ADAM32: variants seen among roughly 807,000 people sequenced by gnomAD.
The protein encoded by ADAM32 is disintegrin and metalloproteinase domain-containing protein 32.
Under a neutral mutation model 114.9 loss-of-function variants are expected in ADAM32, and 89 were observed. The observed-to-expected ratio is 0.77, with a 90% CI of 0.65 to 0.92. ADAM32 has a LOEUF of 0.92. ADAM32 is among the 40% of genes least tolerant of loss of function. The probability of loss-of-function intolerance (pLI) is 0.00; values close to 1 mark genes in which losing one functional copy is unlikely to be tolerated. For synonymous variants in ADAM32, 285 were observed against 307.5 expected (o/e 0.93, Z 0.77); for missense variants, 870 against 932.8 (o/e 0.93, Z 0.88).
At chr8:39,188,371 A>ATCTG (rs57295844) in intron 11 of ADAM32, among the ~76,000 whole-genome samples, 35,966 of 151,378 alleles carry the variant, frequency 0.24, 4,762 homozygotes, top group Non-Finnish European at 0.29. Flanking sequence ...CTGTCTATCT[A>ATCTG]TCTGTCTGTC....
intron 11 of ADAM32, among the ~76,000 whole-genome samples, chr8:39,192,281 T>C (rs1806661167): frequency 6.6e-6 from 1 of 152,200 alleles, no homozygotes; most frequent in African/African-American, 2.4e-5. Context: ...CCCTTCTTTG[T>C]CTTTTTTTAT....
chr8:39,265,396 G>C (rs184283212), intron 19 of ADAM32, among the ~76,000 whole-genome samples: 1 of 152,240 alleles, frequency 6.6e-6, no homozygotes, highest in African/African-American at 2.4e-5. Context: ...TGTCATTGCA[G>C]GTGAGATGGT....
At chr8:39,139,699 C>A (rs964635159) in intron 3 of ADAM32, among the ~76,000 whole-genome samples, 1 of 152,018 alleles carries the variant, frequency 6.6e-6, no homozygotes, top group African/African-American at 2.4e-5. Flanking sequence ...TATTTTTTTC[C>A]AATTCTGTGA....
chr8:39,275,735 A>G, intron 21 of ADAM32, 93 bp from the exon 22 acceptor site: 1 of 1,231,770 alleles, frequency 8.1e-7, no homozygotes, highest in African/African-American at 1.5e-5. Flanking sequence ...AAGAATTAAC[A>G]CAGGTTGTAA....
At position 39,152,956 on chromosome 8, in the gene ADAM32, T is replaced by C. The variant is rs554094203; in HGVS notation, c.525+1408T>C. On this transcript the variant is annotated intron_variant, in intron 6 of 24. Transcript: ENST00000379907. ...TCTTTCCCTTTTCTGCTGGGTGGAG[T>C]GTGGACATACTGACATGTAATGGTC... is the stretch of plus-strand genomic sequence containing the variant. Among the ~76,000 whole-genome samples the C allele has an allele frequency of 5.9e-4, 90 of 152,098 alleles. 1 individual carries two copies. Among genetic ancestry groups the C allele is most frequent in the Admixed American group, 5.8e-3 (89 of 15,266 alleles).
At chr8:39,260,321 T>G (rs546179693) in intron 19 of ADAM32, among the ~76,000 whole-genome samples, 17 of 152,294 alleles carry the variant, frequency 1.1e-4, no homozygotes. Flanking sequence ...TTTTCTTATT[T>G]CTTGTCTAAT....
At chr8:39,284,676 A>C in intron 24 of ADAM32, 117 bp from the exon 25 acceptor site, 1 of 1,101,502 alleles carries the variant, frequency 9.1e-7, no homozygotes, top group Non-Finnish European at 1.3e-6. Flanking sequence ...TCCTTTCAAT[A>C]ATTCTTTTTT....
chr8:39,276,737 C>G (rs1813097910), intron 22 of ADAM32, among the ~76,000 whole-genome samples: 1 of 152,134 alleles, frequency 6.6e-6, no homozygotes, highest in Admixed American at 6.5e-5. Flanking sequence ...ACGTTGGAGT[C>G]ATGAGTTTAT....
At chr8:39,112,737 G>A (rs1047367841) in intron 1 of ADAM32, among the ~76,000 whole-genome samples, 1 of 152,292 alleles carries the variant, frequency 6.6e-6, no homozygotes, top group South Asian at 2.1e-4. Flanking sequence ...GTCTCACTTA[G>A]AGACCTGTCA....
chr8:39,172,261 G>C (rs899537077), intron 10 of ADAM32, among the ~76,000 whole-genome samples: 1 of 151,708 alleles, frequency 6.6e-6, no homozygotes, highest in Non-Finnish European at 1.5e-5. Flanking sequence ...AATAACTCTT[G>C]ATTTTTTTTT....
intron 2 of ADAM32, among the ~76,000 whole-genome samples, chr8:39,124,502 C>T (rs1801995490): frequency 6.6e-6 from 1 of 151,600 alleles, no homozygotes; most frequent in Non-Finnish European, 1.5e-5. Context: ...ACTGCAAGCT[C>T]CACCTCCCGG....
At chr8:39,217,770 G>A (rs1374608619) in intron 12 of ADAM32, among the ~76,000 whole-genome samples, 1 of 152,074 alleles carries the variant, frequency 6.6e-6, no homozygotes, top group Non-Finnish European at 1.5e-5. Context: ...TTCCTTCTCT[G>A]TGTTGTCTTG....
At chr8:39,160,538 TCAAA>T (rs1564507664) in intron 6 of ADAM32, among the ~76,000 whole-genome samples, 1 of 32,526 alleles carries the variant, frequency 3.1e-5, no homozygotes, top group African/African-American at 1.4e-4. Context: ...AGACTCCATC[TCAAA>T]AAAAAAAAAA....
intron 19 of ADAM32, among the ~76,000 whole-genome samples, chr8:39,258,385 A>AAC (rs1487255798): frequency 2.4e-5 from 3 of 125,216 alleles, no homozygotes; most frequent in Non-Finnish European, 4.7e-5. Context: ...AATAGCAAAA[A>AAC]CCTTCTCCTT....
chr8:39,284,822 A>T lies in ADAM32; in HGVS notation c.*23A>T. ...TAGTGATTCCTTCAGAAGGCAACGG[A>T]TAACATCGAGAGTCTCGCTAAGAAA... On this transcript the variant is annotated 3_prime_UTR_variant, in exon 25 of 25. Coordinates refer to ENST00000379907, the MANE Select transcript of ADAM32 (RefSeq NM_145004.7). 1 of 1,613,262 alleles carries T rather than the reference A, an allele frequency of 6.2e-7. No homozygotes were observed.
In ADAM32 at chr8:39,245,978, A is replaced by G. The variant is rs367851551; in HGVS notation, c.1819-105A>G. On this transcript the variant is annotated intron_variant, in intron 16 of 24. Coordinates refer to ENST00000379907, the MANE Select transcript of ADAM32 (RefSeq NM_145004.7). The stretch of plus-strand genomic sequence containing the variant: ...AAGCAGTACTTAGAGGAAAATTTGT[A>G]TCATTGAATGGCTATGCTTTTATAT... 3.8e-5 allele frequency: 34 copies of G among 894,918 alleles called. No individual in the cohort carries two copies. In the African/African-American group the frequency reaches 4.9e-4, roughly 13 times the overall value. 55.4% of individuals were successfully genotyped at this position (894,918 alleles called of 1,614,324 possible). A position where few individuals can be genotyped will look rare whatever the true frequency, so the allele number is the denominator to read the frequency against.
intron 1 of ADAM32, among the ~76,000 whole-genome samples, chr8:39,114,420 G>C (rs1244202332): frequency 6.6e-6 from 1 of 152,186 alleles, no homozygotes; most frequent in African/African-American, 2.4e-5. Flanking sequence ...AGGAACCAGG[G>C]AAGAGGCTGT....
At chr8:39,283,370 T>A (rs1461495473) in intron 23 of ADAM32, among the ~76,000 whole-genome samples, 1 of 145,034 alleles carries the variant, frequency 6.9e-6, no homozygotes, top group Non-Finnish European at 1.5e-5. Flanking sequence ...ACAGTCATAT[T>A]ACTGCCCTCT....
chr8:39,132,564 G>T (rs901930188), intron 2 of ADAM32, among the ~76,000 whole-genome samples: 9 of 152,238 alleles, frequency 5.9e-5, no homozygotes, highest in African/African-American at 2.2e-4. Flanking sequence ...ATTGAAAAGA[G>T]AAATTAGAAA....
Sources: allele counts gnomAD v4.1 joint callset (sites outside exome capture counted in the v4.1 genomes callset), GRCh38; gene constraint gnomAD v4.1.1; transcripts MANE v1.5; gene names NCBI Gene and HGNC (gene_info 2026-07-23, HGNC 2026-07-21).